SCHIP1: variants seen among roughly 807,000 people sequenced by gnomAD.
SCHIP1 encodes the protein schwannomin interacting protein 1.
A neutral mutation model predicts 29.7 loss-of-function variants in SCHIP1; 8 were observed. The observed-to-expected ratio is 0.27, with a 90% CI of 0.16 to 0.49. SCHIP1 has a LOEUF of 0.49. Among genes scored for constraint, SCHIP1 ranks in the 20% least tolerant of loss-of-function variants. SCHIP1 has a pLI of 0.99. For missense variants in SCHIP1, 193 were observed against 294.6 expected, an observed-to-expected ratio of 0.66 and a Z score of 2.52; for synonymous variants, 76 against 94.9, an observed-to-expected ratio of 0.80 and a Z score of 1.16.
the SCHIP1 span, among the ~76,000 whole-genome samples, chr3:159,632,916 G>T: frequency 6.6e-6 from 1 of 152,168 alleles, no homozygotes; most frequent in African/African-American, 2.4e-5. Flanking sequence ...TTCTAAATAA[G>T]GTGCTGAAGA....
chr3:159,714,951 T>A, the SCHIP1 span, among the ~76,000 whole-genome samples: 1 of 152,204 alleles, frequency 6.6e-6, no homozygotes. Flanking sequence ...CCTCCTCAAG[T>A]GGGCCCCTAA....
At chr3:159,727,236 GT>G in the SCHIP1 span, among the ~76,000 whole-genome samples, 5 of 152,166 alleles carry the variant, frequency 3.3e-5, no homozygotes, top group African/African-American at 1.2e-4. Context: ...AGAATTCCGA[GT>G]TTTTTCCTAA....
chr3:159,847,154 G>C (rs544255581), intron 1 of SCHIP1, among the ~76,000 whole-genome samples: 1 of 152,286 alleles, frequency 6.6e-6, no homozygotes, highest in South Asian at 2.1e-4. Flanking sequence ...GGATGGTGGT[G>C]ATGGGGGGTG....
At chr3:159,445,609 A>G in the SCHIP1 span, among the ~76,000 whole-genome samples, 2 of 152,290 alleles carry the variant, frequency 1.3e-5, no homozygotes, top group East Asian at 3.9e-4. Flanking sequence ...TCACAATAGC[A>G]AAGACTTGGA....
chr3:159,369,675 ATT>A, the SCHIP1 span, among the ~76,000 whole-genome samples: 1 of 146,626 alleles, frequency 6.8e-6, no homozygotes, highest in Non-Finnish European at 1.5e-5. Context: ...AGTTTGGTAC[ATT>A]AATAACCACC....
At chr3:159,692,634 A>G in the SCHIP1 span, among the ~76,000 whole-genome samples, 1 of 152,116 alleles carries the variant, frequency 6.6e-6, no homozygotes, top group Non-Finnish European at 1.5e-5. Context: ...CTAAACTTTT[A>G]TCAAGGTTCT....
the SCHIP1 span, among the ~76,000 whole-genome samples, chr3:159,427,868 C>G: frequency 6.6e-6 from 1 of 151,758 alleles, no homozygotes; most frequent in Non-Finnish European, 1.5e-5. Flanking sequence ...TGGAACAGAA[C>G]AGAGCCCTCA....
the SCHIP1 span, among the ~76,000 whole-genome samples, chr3:159,793,520 A>G: frequency 6.6e-6 from 1 of 152,142 alleles, no homozygotes; most frequent in Admixed American, 6.5e-5. Context: ...AAATGGTCTT[A>G]CAGGGCTAAA....
At chr3:159,789,731 G>A in the SCHIP1 span, among the ~76,000 whole-genome samples, 11 of 152,292 alleles carry the variant, frequency 7.2e-5, no homozygotes, top group South Asian at 1.7e-3. Context: ...CCTTAGCCTC[G>A]TGGCCCAGAA....
At chr3:159,472,524 A>G in the SCHIP1 span, among the ~76,000 whole-genome samples, 1 of 152,200 alleles carries the variant, frequency 6.6e-6, no homozygotes, top group Non-Finnish European at 1.5e-5. Flanking sequence ...TCCCTGAATC[A>G]GAGAAGCTGA....
At chr3:159,417,428 G>A in the SCHIP1 span, among the ~76,000 whole-genome samples, 209 of 152,246 alleles carry the variant, frequency 1.4e-3, no homozygotes, top group Middle Eastern at 3.4e-3. Flanking sequence ...GTAAGCATAC[G>A]AATTATACAG....
the SCHIP1 span, among the ~76,000 whole-genome samples, chr3:159,522,608 C>T: frequency 6.6e-6 from 1 of 152,200 alleles, no homozygotes; most frequent in Non-Finnish European, 1.5e-5. Flanking sequence ...CAGTGGCTTA[C>T]ACCTGTAATC....
At chr3:159,728,923 G>A in the SCHIP1 span, among the ~76,000 whole-genome samples, 5 of 152,216 alleles carry the variant, frequency 3.3e-5, no homozygotes, top group Non-Finnish European at 5.9e-5. Context: ...GCCAAGGCAG[G>A]CAGATCACCT....
At chr3:159,446,198 T>C in the SCHIP1 span, among the ~76,000 whole-genome samples, 3 of 151,980 alleles carry the variant, frequency 2.0e-5, no homozygotes, top group Non-Finnish European at 2.9e-5. Flanking sequence ...TTTTATTTTC[T>C]GCAACAGAGA....
At chr3:159,701,900 G>C in the SCHIP1 span, among the ~76,000 whole-genome samples, 1 of 152,150 alleles carries the variant, frequency 6.6e-6, no homozygotes, top group South Asian at 2.1e-4. Context: ...TTACTAGCAT[G>C]TTCTTTGAAT....
At chr3:159,889,925 T>C (rs1379243654) in intron 5 of SCHIP1, among the ~76,000 whole-genome samples, 4 of 152,002 alleles carry the variant, frequency 2.6e-5, no homozygotes, top group African/African-American at 9.7e-5. Context: ...TGAAACCCCA[T>C]CTCTATTAAA....
At chr3:159,739,841 G>A in the SCHIP1 span, among the ~76,000 whole-genome samples, 14 of 152,232 alleles carry the variant, frequency 9.2e-5, no homozygotes, top group Admixed American at 5.9e-4. Context: ...TTACTAAACC[G>A]GTGCCTAATT....
the SCHIP1 span, among the ~76,000 whole-genome samples, chr3:159,568,481 C>T: frequency 3.9e-5 from 6 of 152,010 alleles, no homozygotes; most frequent in African/African-American, 1.4e-4. Flanking sequence ...GAATTTTTAT[C>T]ATGGATACTC....
chr3:159,791,392 G>A, the SCHIP1 span, among the ~76,000 whole-genome samples: 1 of 152,240 alleles, frequency 6.6e-6, no homozygotes, highest in Non-Finnish European at 1.5e-5. Context: ...CTGGGACCAA[G>A]ACAACAAAAG....
Sources: allele counts gnomAD v4.1 joint callset (sites outside exome capture counted in the v4.1 genomes callset), GRCh38; gene constraint gnomAD v4.1.1; transcripts MANE v1.5; gene names NCBI Gene and HGNC (gene_info 2026-07-23, HGNC 2026-07-21).